The following TET2 variants were observed in gnomAD, a reference collection of about 807,000 sequenced individuals.
TET2 encodes tet methylcytosine dioxygenase 2, also known as methylcytosine dioxygenase TET2.
TET2 carries 299 observed loss-of-function variants against 142.9 expected under a neutral mutation model. The ratio of observed to expected loss-of-function variants is 2.09; its 90% CI spans 1.90 to 2.30. TET2 has a LOEUF of 2.30. Ranked by LOEUF, TET2 falls within the 30% of genes most tolerant of loss-of-function variation. TET2 has a pLI of 0.00. For missense variants in TET2, 2,418 were observed against 2,378.0 expected, an observed-to-expected ratio of 1.02 and a Z score of -0.35; for synonymous variants, 819 against 849.0, an observed-to-expected ratio of 0.96 and a Z score of 0.61.
rs118009031 is a variant in TET2, at chr4:105,201,891, G to A, written c.-47+11386G>A. On this transcript the variant is annotated intron_variant, in intron 2 of 10. Transcript: ENST00000380013. ...AGAGTAGCTGAGACCACAGGGGCAT[G>A]CCACCACCCCTGGCTAATTTTTTGT... 1.6e-3 allele frequency among the ~76,000 whole-genome samples: 244 copies of A among 151,836 alleles called. 2 individuals are homozygous for A. The East Asian group carries it at 0.034, about 21-fold the overall frequency.
Position 105,234,400 on chromosome 4 carries a change from C to T in TET2, c.458C>T (p.Ser153Phe). Residue 153 changes from serine to phenylalanine, a missense_variant, in exon 3 of 11, where the codon TCT (serine) becomes TTT (phenylalanine). By Grantham distance (155) the Ser-to-Phe change is radical (BLOSUM62 -2). Coordinates refer to ENST00000380013, the MANE Select transcript of TET2 (RefSeq NM_001127208.3). ...AGTGATAAGAAAGAATCTGTGAGTTCTGTAGCCCAAGAAAATGCAGTTAAA... is the reference window on the plus strand; with the variant it reads ...AGTGATAAGAAAGAATCTGTGAGTTTTGTAGCCCAAGAAAATGCAGTTAAA... ...DLSDKKESVSSVAQENAVKDF... is the reference protein window; with the variant it reads ...DLSDKKESVSFVAQENAVKDF... 6.2e-7 allele frequency: 1 copy of T among 1,614,030 alleles called. No homozygotes were observed. Among genetic ancestry groups the T allele is most frequent in the Middle Eastern group, 1.6e-4 (1 of 6,062 alleles).
chr4:105,228,191 T>C (rs192424424), intron 2 of TET2, among the ~76,000 whole-genome samples: 1 of 152,154 alleles, frequency 6.6e-6, no homozygotes, highest in African/African-American at 2.4e-5. Context: ...TAAAAGAAAA[T>C]ATTGCATTTT....
chr4:105,186,370 A>G (rs1007908076), intron 1 of TET2, among the ~76,000 whole-genome samples: 1 of 151,100 alleles, frequency 6.6e-6, no homozygotes, highest in African/African-American at 2.4e-5. Flanking sequence ...ACTACCCTTC[A>G]TATGTTTGTT....
chr4:105,263,357 TAGAG>T (rs1190935280), intron 8 of TET2, among the ~76,000 whole-genome samples: 3 of 152,136 alleles, frequency 2.0e-5, no homozygotes, highest in African/African-American at 7.2e-5. Flanking sequence ...TATGTAAGAT[TAGAG>T]AGAGAAGAAA....
chr4:105,276,636 G>A lies in TET2; in HGVS notation c.*117G>A. ...TCACAGTATTCATGACAAATGTGGT[G>A]GGAAAAACCTCAGCTCACCAGCAAC... is the stretch of plus-strand genomic sequence containing the variant. On this transcript the variant is annotated 3_prime_UTR_variant, in exon 11 of 11. Coordinates refer to ENST00000380013, the MANE Select transcript of TET2 (RefSeq NM_001127208.3). 5 of 1,200,022 alleles carry A rather than the reference G, an allele frequency of 4.2e-6. No individual in the cohort carries two copies. Among genetic ancestry groups the A allele is most frequent in the Non-Finnish European group, 5.7e-6 (5 of 880,522 alleles). 74.3% of individuals were successfully genotyped at this position (1,200,022 alleles called of 1,614,324 possible).
chr4:105,189,613 A>G (rs563623381), intron 1 of TET2, among the ~76,000 whole-genome samples: 3 of 151,782 alleles, frequency 2.0e-5, no homozygotes, highest in Middle Eastern at 3.4e-3. Context: ...TTTTTAACCT[A>G]CTCCCTTTTA....
chr4:105,159,002 A>G (rs776144894), intron 1 of TET2, among the ~76,000 whole-genome samples: 12 of 152,044 alleles, frequency 7.9e-5, no homozygotes, highest in Non-Finnish European at 1.5e-4. Flanking sequence ...TGGCAGCAGT[A>G]TTTACAAACA....
chr4:105,188,441 T>A (rs1329419487), intron 1 of TET2, among the ~76,000 whole-genome samples: 2 of 152,192 alleles, frequency 1.3e-5, no homozygotes, highest in Admixed American at 6.6e-5. Flanking sequence ...TGGAGATGGG[T>A]GGCAGTGATG....
intron 9 of TET2, among the ~76,000 whole-genome samples, chr4:105,270,893 T>C (rs1438463418): frequency 1.3e-5 from 2 of 152,148 alleles, no homozygotes; most frequent in African/African-American, 2.4e-5. Context: ...ATTAAAGTCA[T>C]ATTCTAGGGC....
At chr4:105,151,328 GACA>G (rs1258396893) in intron 1 of TET2, among the ~76,000 whole-genome samples, 1 of 151,866 alleles carries the variant, frequency 6.6e-6, no homozygotes, top group East Asian at 1.9e-4. Context: ...CTCAAACAGC[GACA>G]ACAACAAAAC....
At chr4:105,221,408 T>G (rs2110584502) in intron 2 of TET2, among the ~76,000 whole-genome samples, 1 of 152,284 alleles carries the variant, frequency 6.6e-6, no homozygotes, top group South Asian at 2.1e-4. Flanking sequence ...CCTCTCATCT[T>G]CAATGGCATT....
intron 8 of TET2, among the ~76,000 whole-genome samples, chr4:105,263,519 T>A (rs2110291500): frequency 6.6e-6 from 1 of 152,288 alleles, no homozygotes; most frequent in African/African-American, 2.4e-5. Flanking sequence ...AATTTCCAGT[T>A]TGGACAGGTA....
At chr4:105,148,561 A>T (rs1425665004) in intron 1 of TET2, among the ~76,000 whole-genome samples, 1 of 152,208 alleles carries the variant, frequency 6.6e-6, no homozygotes, top group Non-Finnish European at 1.5e-5. Context: ...GAGAAAAGAC[A>T]TTGGTTTGGT....
At chr4:105,165,907 C>T (rs975772924) in intron 1 of TET2, among the ~76,000 whole-genome samples, 13 of 152,130 alleles carry the variant, frequency 8.5e-5, no homozygotes, top group African/African-American at 2.4e-4. Context: ...AGTGTCAGAC[C>T]ATACCTTTCT....
chr4:105,189,718 GT>G (rs1560737843), intron 1 of TET2, among the ~76,000 whole-genome samples: 1 of 152,104 alleles, frequency 6.6e-6, no homozygotes, highest in African/African-American at 2.4e-5. Context: ...TTTAAAGTAG[GT>G]ATCTTATTAG....
At position 105,251,590 on chromosome 4, in the gene TET2, C is replaced by T. The variant is rs142353215; in HGVS notation, c.3803+7812C>T. 3.3e-3 allele frequency among the ~76,000 whole-genome samples: 501 copies of T among 151,542 alleles called. 1 individual carries two copies. Among genetic ancestry groups the T allele is most frequent in the Admixed American group, 6.0e-3 (91 of 15,164 alleles). On this transcript the variant is annotated intron_variant, in intron 6 of 10. Transcript: ENST00000380013. ...TATTTCTGGAATAAATCCCACTTGG[C>T]CTCAGTGTGTATTACTTTTTATATA...
In TET2 at chr4:105,277,290, G is replaced by C. The variant is rs1009972329; in HGVS notation, c.*771G>C. ...TTTTTAAAATGTGGACATTTTAAAG[G>C]CCTCTGGATTTTGCTCATCCAGTGA... On this transcript the variant is annotated 3_prime_UTR_variant, in exon 11 of 11. Coordinates refer to ENST00000380013, the MANE Select transcript of TET2 (RefSeq NM_001127208.3). 4.4e-6 allele frequency: 1 copy of C among 225,968 alleles called. No homozygotes were observed. The highest frequency in any genetic ancestry group is 5.7e-5 in the Admixed American group (1 of 17,538). The allele number at this position is 225,968 out of a possible 1,614,324, so 14.0% of individuals were successfully genotyped here.
At position 105,234,610 on chromosome 4, in the gene TET2, G is replaced by T; in HGVS notation, c.668G>T (p.Gly223Val). 6.2e-7 allele frequency: 1 copy of T among 1,614,064 alleles called. No homozygotes were observed. Among genetic ancestry groups the T allele is most frequent in the Non-Finnish European group, 8.5e-7 (1 of 1,179,998 alleles). ...VSASSVEHTHGELLEKTLSQY... is the reference protein window; with the variant it reads ...VSASSVEHTHVELLEKTLSQY... ...GCCTCTTCCGTGGAACACACACATG[G>T]TGAACTCCTGGAAAAAACACTGTCT... is the stretch of plus-strand genomic sequence containing the variant. Residue 223 changes from glycine to valine, a missense_variant, in exon 3 of 11, where the codon GGT becomes GTT. Gly to Val is a moderately radical substitution (Grantham distance 109). Coordinates refer to ENST00000380013, the MANE Select transcript of TET2 (RefSeq NM_001127208.3).
In TET2 at chr4:105,234,386, AG is replaced by A; in HGVS notation, c.445del (p.Glu149AsnfsTer3). The part of the protein sequence containing the change: ...PNVSDLSDKK[E>X]SVSSVAQENA... Reference sequence around the variant, plus strand: ...ATGTCTCCGATTTGAGTGATAAGAAAGAATCTGTGAGTTCTGTAGCCCAAGA... The same window carrying A: ...ATGTCTCCGATTTGAGTGATAAGAAAAATCTGTGAGTTCTGTAGCCCAAGA... On this transcript the variant is annotated frameshift_variant, in exon 3 of 11. Transcript: ENST00000380013. LOFTEE classifies it high-confidence loss of function. 2 of 1,614,114 alleles carry A rather than the reference AG, an allele frequency of 1.2e-6. No individual in the cohort carries two copies. Among genetic ancestry groups the A allele is most frequent in the Non-Finnish European group, 1.7e-6 (2 of 1,180,024 alleles).
Sources: allele counts gnomAD v4.1 joint callset (sites outside exome capture counted in the v4.1 genomes callset), GRCh38; gene constraint gnomAD v4.1.1; transcripts MANE v1.5; gene names NCBI Gene and HGNC (gene_info 2026-07-23, HGNC 2026-07-21).